XAF1: variants seen among roughly 807,000 people sequenced by gnomAD.
XAF1 encodes XIAP-associated factor 1.
A neutral mutation model predicts 32.3 loss-of-function variants in XAF1; 32 were observed. The ratio of observed to expected loss-of-function variants is 0.99; its 90% CI spans 0.75 to 1.33. The LOEUF is 1.33. Ranked by LOEUF, XAF1 falls within the 40% of genes most tolerant of loss-of-function variation. The pLI, the probability that XAF1 is intolerant of heterozygous loss-of-function variation, is 0.00. For missense variants in XAF1, 379 were observed against 366.0 expected (o/e 1.04, Z -0.29); for synonymous variants, 120 against 125.9 (o/e 0.95, Z 0.31).
chr17:6,772,988 A>G (rs1976167803), intron 6 of XAF1, 125 bp from the exon 7 acceptor site: 1 of 823,844 alleles, frequency 1.2e-6, no homozygotes, highest in East Asian at 3.0e-5. Flanking sequence ...TTTCTATGCC[A>G]TTACACTCCA....
intron 5 of XAF1, among the ~76,000 whole-genome samples, chr17:6,765,180 G>C (rs1052115395): frequency 6.6e-6 from 1 of 152,150 alleles, no homozygotes; most frequent in Non-Finnish European, 1.5e-5. Flanking sequence ...TTGGGAGGCC[G>C]AGGTGGGAGG....
chr17:6,756,068 G>C lies in XAF1; in HGVS notation c.-11G>C. On this transcript the variant is annotated 5_prime_UTR_variant, in exon 1 of 7. Transcript: ENST00000361842. ...AACGAAACTCAACCGAAAGCCTGCA[G>C]AGAGCAGAACATGGAAGGAGACTTC... The C allele has an allele frequency of 6.2e-7, 1 of 1,614,024 alleles. No individual in the cohort carries two copies. The highest frequency in any genetic ancestry group is 8.5e-7 in the Non-Finnish European group (1 of 1,179,978).
At chr17:6,766,924 C>T (rs1297232654) in intron 5 of XAF1, among the ~76,000 whole-genome samples, 1 of 152,180 alleles carries the variant, frequency 6.6e-6, no homozygotes, top group Non-Finnish European at 1.5e-5. Flanking sequence ...ATTCCCAAAT[C>T]TCAGGTCTCA....
At chr17:6,761,396 C>T (rs1396729885) in intron 4 of XAF1, among the ~76,000 whole-genome samples, 1 of 152,180 alleles carries the variant, frequency 6.6e-6, no homozygotes, top group Non-Finnish European at 1.5e-5. Flanking sequence ...AGCAATGGCT[C>T]CTGGCCTGGG....
chr17:6,769,169 A>G (rs543145049), intron 5 of XAF1, among the ~76,000 whole-genome samples: 67 of 151,010 alleles, frequency 4.4e-4, no homozygotes, highest in African/African-American at 1.6e-3. Context: ...CTCCAAGTTC[A>G]TTCATTCTTT....
chr17:6,763,583 C>T lies in XAF1; in HGVS notation c.507+1343C>T, dbSNP rs568857772. ...CTGACCGCAGGTTATCCGCCTTCCT[C>T]GGCCTCCCAAAGTTAATGGCCTTTT... On this transcript the variant is annotated intron_variant, in intron 5 of 6. Coordinates refer to ENST00000361842, the MANE Select transcript of XAF1 (RefSeq NM_017523.5). 2.6e-5 allele frequency among the ~76,000 whole-genome samples: 4 copies of T among 152,226 alleles called. No homozygotes were observed. In the East Asian group the frequency reaches 5.8e-4, roughly 22 times the overall value.
rs775564656 is a variant in XAF1 at position 6,762,029 on chromosome 17, C to A, written c.422-126C>A. On this transcript the variant is annotated intron_variant, in intron 4 of 6. Coordinates refer to ENST00000361842, the MANE Select transcript of XAF1 (RefSeq NM_017523.5). ...AAGGATGCCGGCAGCGCAGGAAAGT[C>A]AAGACCAGGCAGGTCCGGGGGGCAG... 2.6e-6 allele frequency: 4 copies of A among 1,553,504 alleles called. No individual in the cohort carries two copies. In the African/African-American group the frequency reaches 5.4e-5, roughly 21 times the overall value.
chr17:6,756,856 T>G (rs1454737781), intron 1 of XAF1, among the ~76,000 whole-genome samples: 1 of 152,164 alleles, frequency 6.6e-6, no homozygotes, highest in Non-Finnish European at 1.5e-5. Flanking sequence ...GCACGTCCCC[T>G]GTGCCAGGAA....
intron 4 of XAF1, chr17:6,761,915 TC>T (rs1334380817): frequency 1.3e-6 from 2 of 1,497,914 alleles, no homozygotes; most frequent in Non-Finnish European, 1.8e-6. Flanking sequence ...AAAATGTCTC[TC>T]CATTACGGTT....
chr17:6,758,266 G>A lies in XAF1; in HGVS notation c.168+42G>A, dbSNP rs201270244. 1,301 of 1,605,860 alleles carry A rather than the reference G, an allele frequency of 8.1e-4. 14 individuals carry two copies. The African/African-American group carries it at 0.015, about 19-fold the overall frequency. ...GAGGATGGGGTCTGAGAGTCAAGGTGAGTGTTCAGTCCTCCCTGCAGGTGA... is the reference window on the plus strand; with the variant it reads ...GAGGATGGGGTCTGAGAGTCAAGGTAAGTGTTCAGTCCTCCCTGCAGGTGA... On this transcript the variant is annotated intron_variant, in intron 2 of 6. Transcript: ENST00000361842.
chr17:6,763,326 T>C (rs1975357615), intron 5 of XAF1, among the ~76,000 whole-genome samples: 1 of 152,108 alleles, frequency 6.6e-6, no homozygotes, highest in Non-Finnish European at 1.5e-5. Flanking sequence ...TAATGGCCTT[T>C]TCTTTTCTTT....
Position 6,773,143 on chromosome 17 carries a change from G to A in XAF1, c.880G>A (p.Gly294Arg). The change falls in exon 7 of 7, where the codon GGA (glycine) becomes AGA (arginine). Residue 294 changes from glycine to arginine, a missense_variant. Physicochemically the swap from Gly to Arg is moderately radical, Grantham distance 125. Transcript: ENST00000361842. ...EKCRWLASSK[G>R]KQVRNFS ...ATGCCGGTGGTTAGCTTCATCAAAA[G>A]GAAAACAAGTGAGAAATTTCAGCTA... is the stretch of plus-strand genomic sequence containing the variant. 2 of 1,603,036 alleles carry A rather than the reference G, an allele frequency of 1.2e-6. No homozygotes were observed. The highest frequency in any genetic ancestry group is 1.1e-5 in the South Asian group (1 of 88,426).
In XAF1 at chr17:6,775,432, A is replaced by T. The variant is rs2151570174; in HGVS notation, c.*2263A>T. ...CATGTGCCCCTGAACCTAAAAAAAA[A>T]GTTAAAAGAAAAACGTTTGGATTAT... On this transcript the variant is annotated 3_prime_UTR_variant, in exon 7 of 7. Transcript: ENST00000361842. 6.6e-6 allele frequency: 1 copy of T among 152,302 alleles called. No homozygotes were observed. The highest frequency in any genetic ancestry group is 2.1e-4 in the South Asian group (1 of 4,828). 9.4% of individuals were successfully genotyped at this position (152,302 alleles called of 1,614,324 possible). A position where few individuals can be genotyped will look rare whatever the true frequency, so the allele number is the denominator to read the frequency against.
rs1976294602 is a variant in XAF1, at chr17:6,774,597, A to G, written c.*1428A>G. On this transcript the variant is annotated 3_prime_UTR_variant, in exon 7 of 7. Transcript: ENST00000361842. ...CATGATTAAACAGAATTACCATTTG[A>G]CTCAGCAATCCCATTATTGGTTATA... is the stretch of plus-strand genomic sequence containing the variant. 6.6e-6 allele frequency: 1 copy of G among 152,248 alleles called. No individual in the cohort carries two copies. Among genetic ancestry groups the G allele is most frequent in the South Asian group, 2.1e-4 (1 of 4,838 alleles). The allele number at this position is 152,248 out of a possible 1,614,324, so 9.4% of individuals were successfully genotyped here.
Position 6,770,941 on chromosome 17 carries a change from A to T in XAF1, c.806A>T (p.Gln269Leu). The change falls in exon 6 of 7, where the codon CAG (glutamine) becomes CTG (leucine). Residue 269 changes from glutamine to leucine, a missense_variant. By Grantham distance (113) the Gln-to-Leu change is moderately radical. Transcript: ENST00000361842. ...TATGACATTCTGAGGAGATGTTCTC[A>T]GTGTGGCATCCTGCTTCCCCTGCCG... Reference protein sequence around the residue: ...AAYDILRRCSQCGILLPLPIL... With the variant: ...AAYDILRRCSLCGILLPLPIL... 3 of 1,614,122 alleles carry T rather than the reference A, an allele frequency of 1.9e-6. No individual in the cohort carries two copies. Among genetic ancestry groups the T allele is most frequent in the South Asian group, 1.1e-5 (1 of 91,080 alleles).
chr17:6,756,307 C>T, intron 1 of XAF1, 197 bp downstream of exon 1: 2 of 1,397,436 alleles, frequency 1.4e-6, no homozygotes, highest in South Asian at 2.9e-5. Flanking sequence ...GCAGCATTAC[C>T]TCCACTTCAC....
chr17:6,761,159 A>G (rs926737438), intron 4 of XAF1, among the ~76,000 whole-genome samples: 6 of 152,184 alleles, frequency 3.9e-5, no homozygotes, highest in African/African-American at 1.4e-4. Context: ...TGTCTCAAAA[A>G]AAAAAGGGGG....
chr17:6,770,361 T>A (rs1975927822), intron 5 of XAF1, among the ~76,000 whole-genome samples: 1 of 152,124 alleles, frequency 6.6e-6, no homozygotes. Context: ...CATGATCTAA[T>A]CACCCCCGAA....
chr17:6,755,942 A>C, upstream of XAF1: 1 of 1,549,104 alleles, frequency 6.5e-7, no homozygotes, highest in African/African-American at 1.4e-5. Flanking sequence ...TCAGGAATCA[A>C]GGGGAACTCC....
Sources: allele counts gnomAD v4.1 joint callset (sites outside exome capture counted in the v4.1 genomes callset), GRCh38; gene constraint gnomAD v4.1.1; transcripts MANE v1.5; gene names NCBI Gene and HGNC (gene_info 2026-07-23, HGNC 2026-07-21).